The following DMD variants were observed in gnomAD, a reference collection of about 807,000 sequenced individuals.
The protein encoded by DMD is mutant dystrophin.
A neutral mutation model predicts 330.1 loss-of-function variants in DMD; 63 were observed. The ratio of observed to expected loss-of-function variants is 0.19; its 90% CI spans 0.16 to 0.24. The LOEUF (loss-of-function observed/expected upper bound fraction) is 0.24. Ranked by LOEUF, DMD falls within the 10% of genes least tolerant of loss-of-function variation. The pLI is 1.00. For missense variants in DMD, 3,344 were observed against 2,684.1 expected, an observed-to-expected ratio of 1.25 and a Z score of -5.43; for synonymous variants, 1,223 against 959.8, an observed-to-expected ratio of 1.27 and a Z score of -5.07.
Position 32,585,229 on chromosome X carries a change from T to C in DMD, c.1602+10528A>G, listed in dbSNP as rs914256169. Among the ~76,000 whole-genome samples the C allele has an allele frequency of 7.2e-5, 8 of 111,318 alleles. 1 individual carries two copies. Among genetic ancestry groups the C allele is most frequent in the African/African-American group, 2.6e-4 (8 of 30,601 alleles). On this transcript the variant is annotated intron_variant, in intron 13 of 78. Coordinates refer to ENST00000357033, the MANE Select transcript of DMD (RefSeq NM_004006.3). The stretch of plus-strand genomic sequence containing the variant: ...GAAGAGAGGTTGTTTAATGGGTACA[T>C]ACGCTTAGATAGAAGGAATAAGTTC...
At chrX:31,425,898 T>C (rs1569540990) in intron 60 of DMD, among the ~76,000 whole-genome samples, 2 of 111,893 alleles carry the variant, frequency 1.8e-5, no homozygotes, top group East Asian at 2.8e-4. Context: ...CTAGGTCTGA[T>C]GGTCTTTGGA....
Position 31,936,581 on chromosome X carries a change from C to A in DMD, c.6615-4354G>T, listed in dbSNP as rs900624981. Reference sequence around the variant, plus strand: ...TTTTCCTATTTTTAAGAGCTCTTTTCACATTATCTGAAACATAGATTAATT... The same window carrying A: ...TTTTCCTATTTTTAAGAGCTCTTTTAACATTATCTGAAACATAGATTAATT... On this transcript the variant is annotated intron_variant, in intron 45 of 78. Coordinates refer to ENST00000357033, the MANE Select transcript of DMD (RefSeq NM_004006.3). Among the ~76,000 whole-genome samples, 74 of 111,559 alleles carry A rather than the reference C, an allele frequency of 6.6e-4. 1 individual carries two copies. The highest frequency in any genetic ancestry group is 2.4e-3 in the African/African-American group (73 of 30,866).
intron 59 of DMD, among the ~76,000 whole-genome samples, chrX:31,450,096 C>G (rs976832538): frequency 9.1e-6 from 1 of 110,432 alleles, no homozygotes; most frequent in Non-Finnish European, 1.9e-5. Flanking sequence ...GTTTGTTAAC[C>G]AAGACTCTTG....
At chrX:31,610,736 T>A (rs1482236432) in intron 55 of DMD, among the ~76,000 whole-genome samples, 1 of 111,980 alleles carries the variant, frequency 8.9e-6, no homozygotes, top group African/African-American at 3.2e-5. Context: ...AAGAAATTTT[T>A]ATTCTGATAT....
intron 7 of DMD, among the ~76,000 whole-genome samples, chrX:32,700,677 T>C (rs186324227): frequency 2.7e-5 from 3 of 111,780 alleles, no homozygotes; most frequent in African/African-American, 9.7e-5. Flanking sequence ...TATGCAATTT[T>C]AGTTTTTTAA....
chrX:31,514,576 T>G (rs1173928867), intron 55 of DMD, among the ~76,000 whole-genome samples: 3 of 112,310 alleles, frequency 2.7e-5, no homozygotes, highest in Admixed American at 9.5e-5. Context: ...TTGGTTTCAC[T>G]AAACATGAAA....
intron 55 of DMD, among the ~76,000 whole-genome samples, chrX:31,563,452 C>T (rs1009850541): frequency 1.8e-5 from 2 of 112,320 alleles, no homozygotes; most frequent in Admixed American, 9.4e-5. Flanking sequence ...ATTTGGATTA[C>T]AGTAGCTTTA....
At chrX:31,951,139 A>ATATATATATATATG (rs1557025403) in intron 45 of DMD, among the ~76,000 whole-genome samples, 3 of 72,240 alleles carry the variant, frequency 4.2e-5, no homozygotes, top group African/African-American at 1.8e-4. Context: ...ATATATATAT[A>ATATATATATATATG]TGTGTATATA....
chrX:31,798,374 T>C (rs747336413), intron 50 of DMD, among the ~76,000 whole-genome samples: 2 of 110,649 alleles, frequency 1.8e-5, no homozygotes, highest in African/African-American at 6.6e-5. Flanking sequence ...CAATGAAAAG[T>C]GGCTCCAGTC....
chrX:33,056,218 G>T (rs1239601245), intron 1 of DMD, among the ~76,000 whole-genome samples: 1 of 110,604 alleles, frequency 9.0e-6, no homozygotes, highest in Non-Finnish European at 1.9e-5. Flanking sequence ...AAAATAGAAA[G>T]TCCCGCATGG....
chrX:31,796,314 C>T (rs1446423850), intron 50 of DMD, among the ~76,000 whole-genome samples: 1 of 111,742 alleles, frequency 8.9e-6, no homozygotes, highest in Non-Finnish European at 1.9e-5. Context: ...TTAACAAGAT[C>T]GAAAGGATTG....
chrX:32,079,109 G>A (rs1333929812), intron 44 of DMD, among the ~76,000 whole-genome samples: 1 of 111,927 alleles, frequency 8.9e-6, no homozygotes, highest in East Asian at 2.8e-4. Flanking sequence ...TCTACCAGGT[G>A]TATGTGCACT....
At chrX:31,393,862 A>C (rs1602437668) in intron 60 of DMD, among the ~76,000 whole-genome samples, 1 of 112,169 alleles carries the variant, frequency 8.9e-6, no homozygotes. Context: ...CAAATGAATA[A>C]ACTAGCGTTC....
intron 19 of DMD, among the ~76,000 whole-genome samples, chrX:32,499,440 AG>A (rs2043822329): frequency 9.0e-6 from 1 of 111,503 alleles, no homozygotes. Context: ...TTTATACAAG[AG>A]TGGTTCATCT....
intron 50 of DMD, among the ~76,000 whole-genome samples, chrX:31,785,590 G>A (rs2091254888): frequency 9.0e-6 from 1 of 110,634 alleles, no homozygotes; most frequent in South Asian, 3.8e-4. Flanking sequence ...TTCTCCTAAC[G>A]TTATCCCTCC....
chrX:32,403,923 A>C (rs941604541), intron 30 of DMD, among the ~76,000 whole-genome samples: 2 of 112,023 alleles, frequency 1.8e-5, no homozygotes, highest in Admixed American at 1.9e-4. Flanking sequence ...AAATCAATAA[A>C]GCAGACTGTA....
At chrX:31,784,496 T>C (rs2149285494) in intron 50 of DMD, among the ~76,000 whole-genome samples, 1 of 111,894 alleles carries the variant, frequency 8.9e-6, no homozygotes, top group East Asian at 2.8e-4. Flanking sequence ...AAAATAAAAA[T>C]AGAATTATCA....
At chrX:32,386,981 A>G (rs1227767306) in intron 32 of DMD, among the ~76,000 whole-genome samples, 1 of 110,696 alleles carries the variant, frequency 9.0e-6, no homozygotes, top group Admixed American at 9.7e-5. Flanking sequence ...GTAACATTAA[A>G]GCACCTAAAT....
intron 62 of DMD, among the ~76,000 whole-genome samples, chrX:31,282,790 G>T (rs189579577): frequency 1.8e-5 from 2 of 111,406 alleles, no homozygotes; most frequent in African/African-American, 6.5e-5. Flanking sequence ...TGAGGGTATG[G>T]ATTGACTGGA....
Sources: allele counts gnomAD v4.1 joint callset (sites outside exome capture counted in the v4.1 genomes callset), GRCh38; gene constraint gnomAD v4.1.1; transcripts MANE v1.5; gene names NCBI Gene and HGNC (gene_info 2026-07-23, HGNC 2026-07-21).